Variants in CLASP2 observed in about 807,000 individuals in gnomAD.
The protein encoded by CLASP2 is CLIP-associating protein 2.
A neutral mutation model predicts 194.4 loss-of-function variants in CLASP2; 47 were observed. The observed-to-expected ratio is 0.24, with a 90% CI of 0.19 to 0.31. The LOEUF is 0.31. CLASP2 is among the 10% of genes least tolerant of loss of function. The pLI is 1.00. For missense variants in CLASP2, 1,445 were observed against 1,823.6 expected (o/e 0.79, Z 3.78); for synonymous variants, 619 against 633.5 (o/e 0.98, Z 0.34).
At chr3:33,623,686 T>C (rs2077494323) in intron 10 of CLASP2, among the ~76,000 whole-genome samples, 1 of 152,200 alleles carries the variant, frequency 6.6e-6, no homozygotes, top group South Asian at 2.1e-4. Flanking sequence ...TGATGGACAT[T>C]TAGGTATATT....
rs779518016 is a variant in CLASP2 at position 33,689,912 on chromosome 3, T to C, written c.295A>G (p.Arg99Gly). ...VAMVIVALID[R>G]MGDAKDKVRD... is the part of the protein sequence containing the mutation. ...ACCTTGTCTTTGGCATCTCCCATTCTGTCTATTAAAGCTACAATAACTAAA... is the reference window on the plus strand; with the variant it reads ...ACCTTGTCTTTGGCATCTCCCATTCCGTCTATTAAAGCTACAATAACTAAA... Residue 99 changes from arginine to glycine, a missense_variant, in exon 3 of 39, where the codon AGA becomes GGA. Arg to Gly is a moderately radical substitution (Grantham distance 125, BLOSUM62 -2). Coordinates refer to ENST00000682230, the MANE Select transcript of CLASP2 (RefSeq NM_001365631.1). 1.9e-6 allele frequency: 3 copies of C among 1,591,654 alleles called. No homozygotes were observed. The highest frequency in any genetic ancestry group is 1.2e-5 in the South Asian group (1 of 86,514).
intron 3 of CLASP2, 42 bp downstream of exon 3, chr3:33,689,787 G>A (rs771548970): frequency 1.8e-5 from 25 of 1,375,516 alleles, no homozygotes; most frequent in Non-Finnish European, 2.4e-5. Context: ...GATTTCCTGT[G>A]ATTACCATTA....
At chr3:33,661,227 T>C (rs1474677992) in intron 7 of CLASP2, among the ~76,000 whole-genome samples, 1 of 152,226 alleles carries the variant, frequency 6.6e-6, no homozygotes, top group East Asian at 1.9e-4. Flanking sequence ...CCACATTGTA[T>C]ATCCATTTAT....
At chr3:33,533,701 A>G (rs1179647479) in intron 34 of CLASP2, among the ~76,000 whole-genome samples, 1 of 152,070 alleles carries the variant, frequency 6.6e-6, no homozygotes, top group Non-Finnish European at 1.5e-5. Context: ...AAATCTCTTA[A>G]AAGTGAATTA....
intron 37 of CLASP2, among the ~76,000 whole-genome samples, chr3:33,506,377 CGAAAAAAAAAAAAAAAAAA>C (rs1400983990): frequency 1.6e-5 from 1 of 61,890 alleles, no homozygotes; most frequent in Non-Finnish European, 3.0e-5. Flanking sequence ...GACTCTGTCT[CGAAAAAAAAAAAAAAAAAA>C]AAAAAAAAAA....
chr3:33,626,962 T>C (rs764206290), intron 10 of CLASP2, 26 bp downstream of exon 10: 1 of 1,370,186 alleles, frequency 7.3e-7, no homozygotes, highest in South Asian at 1.3e-5. Context: ...AGAAAGAAGA[T>C]AAGAAAATTA....
intron 10 of CLASP2, among the ~76,000 whole-genome samples, chr3:33,622,633 G>A (rs771677161): frequency 2.0e-5 from 3 of 151,666 alleles, no homozygotes; most frequent in Non-Finnish European, 4.4e-5. Flanking sequence ...TTTTAATTGT[G>A]GTAAAATACA....
chr3:33,695,166 C>G (rs1022631475), intron 2 of CLASP2, among the ~76,000 whole-genome samples: 5 of 149,988 alleles, frequency 3.3e-5, no homozygotes, highest in Admixed American at 2.0e-4. Context: ...CCCAACCTCC[C>G]ATCTCAGCCT....
rs898751192 is a variant in CLASP2 at position 33,663,388 on chromosome 3, G to A, written c.715+57C>T. 1.1e-5 allele frequency: 15 copies of A among 1,318,132 alleles called. No individual in the cohort carries two copies. The African/African-American group carries it at 1.9e-4, about 17-fold the overall frequency. 81.7% of individuals were successfully genotyped at this position (1,318,132 alleles called of 1,614,324 possible). A position where few individuals can be genotyped will look rare whatever the true frequency, so the allele number is the denominator to read the frequency against. ...AATCAGTGATATATAATACATTTTA[G>A]TGCCTAAAACTTTGCTAAATAGTCT... On this transcript the variant is annotated intron_variant, in intron 7 of 38. Transcript: ENST00000682230.
Position 33,611,857 on chromosome 3 carries a change from T to C in CLASP2, c.1388+144A>G, listed in dbSNP as rs1343031362. 1.6e-5 allele frequency: 10 copies of C among 608,482 alleles called. No individual in the cohort carries two copies. The Admixed American group carries it at 2.6e-4, about 16-fold the overall frequency. 37.7% of individuals were successfully genotyped at this position (608,482 alleles called of 1,614,324 possible). On this transcript the variant is annotated intron_variant, in intron 13 of 38. Coordinates refer to ENST00000682230, the MANE Select transcript of CLASP2 (RefSeq NM_001365631.1). ...CATCCCTTTTCCCTTACATGAGATA[T>C]GATTAAAAAAACAAAACAAAACACT...
At chr3:33,530,062 A>G (rs1202618784) in intron 34 of CLASP2, among the ~76,000 whole-genome samples, 1 of 151,650 alleles carries the variant, frequency 6.6e-6, no homozygotes, top group African/African-American at 2.4e-5. Context: ...TATGACAACA[A>G]TGCCTTCTTG....
At chr3:33,620,179 ATTCT>A (rs774199511) in intron 11 of CLASP2, among the ~76,000 whole-genome samples, 31 of 152,178 alleles carry the variant, frequency 2.0e-4, no homozygotes, top group Admixed American at 1.2e-3. Context: ...TCCTCAAGAT[ATTCT>A]TTATTTCTAT....
rs114704100 is a variant in CLASP2, at chr3:33,632,644, C to G, written c.863-273G>C. Among the ~76,000 whole-genome samples the G allele has an allele frequency of 3.4e-3, 521 of 152,224 alleles. 3 individuals are homozygous for G. Among genetic ancestry groups the G allele is most frequent in the African/African-American group, 0.011 (470 of 41,540 alleles). ...GAAACCCGCCTCCCTATTCAATGCA[C>G]TAGCAAACACAAATAAACATAAGTA... On this transcript the variant is annotated intron_variant, in intron 8 of 38. Coordinates refer to ENST00000682230, the MANE Select transcript of CLASP2 (RefSeq NM_001365631.1).
chr3:33,580,670 A>G (rs1450000536), intron 23 of CLASP2, among the ~76,000 whole-genome samples: 3 of 152,152 alleles, frequency 2.0e-5, no homozygotes, highest in African/African-American at 7.2e-5. Flanking sequence ...TGAGCATTCC[A>G]AAGTCCAAAG....
chr3:33,561,939 A>T (rs1023141728), intron 27 of CLASP2, among the ~76,000 whole-genome samples: 2 of 152,170 alleles, frequency 1.3e-5, no homozygotes, highest in African/African-American at 2.4e-5. Context: ...TAACTTTTCA[A>T]GTTAATCTCA....
chr3:33,503,289 C>G lies in CLASP2; in HGVS notation c.4318-1521G>C, dbSNP rs937350956. The G allele has an allele frequency of 3.9e-5, 6 of 151,982 alleles. No individual in the cohort carries two copies. The South Asian group carries it at 8.3e-4, about 21-fold the overall frequency. The allele number at this position is 151,982 out of a possible 1,614,324, so 9.4% of individuals were successfully genotyped here. A position where few individuals can be genotyped will look rare whatever the true frequency, so the allele number is the denominator to read the frequency against. On this transcript the variant is annotated intron_variant, in intron 37 of 38. Transcript: ENST00000682230. Reference sequence around the variant, plus strand: ...TTAATGGATATTTGGGTTGTTTTCACCTTTTGGCTACTGTGAATAGTGCTG... The same window carrying G: ...TTAATGGATATTTGGGTTGTTTTCAGCTTTTGGCTACTGTGAATAGTGCTG...
At chr3:33,508,450 C>G (rs985502174) in intron 37 of CLASP2, among the ~76,000 whole-genome samples, 2 of 152,134 alleles carry the variant, frequency 1.3e-5, no homozygotes, top group African/African-American at 4.8e-5. Flanking sequence ...CCCGCCCCAG[C>G]CTCCTGAGTA....
At chr3:33,531,914 A>G (rs1255490471) in intron 34 of CLASP2, among the ~76,000 whole-genome samples, 1 of 152,226 alleles carries the variant, frequency 6.6e-6, no homozygotes, top group Non-Finnish European at 1.5e-5. Context: ...ACCCTTCTGC[A>G]CTGGTGGTGG....
chr3:33,598,467 C>T (rs1356086204), intron 18 of CLASP2, among the ~76,000 whole-genome samples: 1 of 152,152 alleles, frequency 6.6e-6, no homozygotes, highest in Non-Finnish European at 1.5e-5. Flanking sequence ...TCAAGACTAA[C>T]TCCCAGGCTA....
Sources: gnomAD v4.1 joint callset for allele counts (sites outside exome capture counted in the v4.1 genomes callset) on GRCh38, gnomAD v4.1.1 for gene constraint, MANE v1.5 for transcripts, NCBI Gene and HGNC (gene_info 2026-07-23, HGNC 2026-07-21) for gene names.